NEK1: variants seen among roughly 807,000 people sequenced by gnomAD.
NEK1 encodes the protein NIMA related kinase 1, also known as serine/threonine-protein kinase Nek1.
A neutral mutation model predicts 182.1 loss-of-function variants in NEK1; 137 were observed. The ratio of observed to expected loss-of-function variants is 0.75; its 90% CI spans 0.65 to 0.87. The LOEUF is 0.87. Among genes scored for constraint, NEK1 ranks in the 40% least tolerant of loss-of-function variants. The pLI, the probability that NEK1 is intolerant of heterozygous loss-of-function variation, is 0.00. For synonymous variants in NEK1, 513 were observed against 492.2 expected, an observed-to-expected ratio of 1.04 and a Z score of -0.56; for missense variants, 1,391 against 1,494.4, an observed-to-expected ratio of 0.93 and a Z score of 1.14.
At chr4:169,605,571 A>C (rs1312324957) in intron 2 of NEK1, among the ~76,000 whole-genome samples, 2 of 152,256 alleles carry the variant, frequency 1.3e-5, no homozygotes, top group African/African-American at 4.8e-5. Context: ...TTATAATTCC[A>C]TAAAATTTTT....
intron 31 of NEK1, among the ~76,000 whole-genome samples, chr4:169,422,217 A>G (rs1451623093): frequency 6.6e-6 from 1 of 152,228 alleles, no homozygotes; most frequent in Non-Finnish European, 1.5e-5. Context: ...TGTATTGGGA[A>G]GTGAATGTAT....
At chr4:169,536,312 A>G (rs1225736405) in intron 19 of NEK1, among the ~76,000 whole-genome samples, 1 of 151,720 alleles carries the variant, frequency 6.6e-6, no homozygotes, top group African/African-American at 2.4e-5. Flanking sequence ...AAAAAAAAAA[A>G]AATACACAAA....
In NEK1 at chr4:169,400,396, A is replaced by G. The variant is rs1225733832; in HGVS notation, c.3715-39T>C. On this transcript the variant is annotated intron_variant, in intron 34 of 35. Coordinates refer to ENST00000507142, the MANE Select transcript of NEK1 (RefSeq NM_001199397.3). ...CCAAATATAAATTAATATTTGAATA[A>G]CTTTCTGTAATTGCAGACTTCACTT... The G allele has an allele frequency of 3.5e-6, 5 of 1,442,098 alleles. No individual in the cohort carries two copies. In the African/African-American group the frequency reaches 7.2e-5, roughly 21 times the overall value. 89.3% of individuals were successfully genotyped at this position (1,442,098 alleles called of 1,614,324 possible). A position where few individuals can be genotyped will look rare whatever the true frequency, so the allele number is the denominator to read the frequency against.
intron 23 of NEK1, among the ~76,000 whole-genome samples, chr4:169,492,541 T>A (rs1750307390): frequency 6.6e-6 from 1 of 152,054 alleles, no homozygotes; most frequent in African/African-American, 2.4e-5. Context: ...ACACTATCGG[T>A]GGCGATTAGA....
chr4:169,405,771 C>T (rs1732485968), intron 32 of NEK1, among the ~76,000 whole-genome samples: 1 of 151,876 alleles, frequency 6.6e-6, no homozygotes, highest in Non-Finnish European at 1.5e-5. Flanking sequence ...GTAGCTGAGA[C>T]TACCTACAAG....
In NEK1 at chr4:169,561,898, TA is replaced by T. The variant is rs398124255; in HGVS notation, c.1081-8del. 9 of 1,589,232 alleles carry T rather than the reference TA, an allele frequency of 5.7e-6. No individual in the cohort carries two copies. Among genetic ancestry groups the T allele is most frequent in the African/African-American group, 5.5e-5 (4 of 73,004 alleles). ...TTCTCTTTCTTGCTGCTTCCTTAAA[TA>T]AAAAAAAGAACATTTTAATCCATAA... On this transcript the variant is annotated splice_polypyrimidine_tract_variant and splice_region_variant and intron_variant, in intron 13 of 35. Coordinates refer to ENST00000507142, the MANE Select transcript of NEK1 (RefSeq NM_001199397.3).
chr4:169,426,508 A>T (rs1736416524), intron 29 of NEK1, among the ~76,000 whole-genome samples: 1 of 152,244 alleles, frequency 6.6e-6, no homozygotes, highest in African/African-American at 2.4e-5. Context: ...ACAACGGCAT[A>T]GTAAAGAAAC....
chr4:169,443,939 A>G (rs904101134), intron 27 of NEK1, among the ~76,000 whole-genome samples: 3 of 152,180 alleles, frequency 2.0e-5, no homozygotes, highest in African/African-American at 7.2e-5. Context: ...CAAGAATACT[A>G]TACCCACCAA....
intron 35 of NEK1, among the ~76,000 whole-genome samples, chr4:169,394,789 A>G (rs944449552): frequency 1.3e-5 from 2 of 152,222 alleles, no homozygotes; most frequent in African/African-American, 4.8e-5. Context: ...GCATACACAA[A>G]TATCTTTTAA....
chr4:169,566,359 C>G (rs1444144811), intron 12 of NEK1, among the ~76,000 whole-genome samples: 1 of 152,146 alleles, frequency 6.6e-6, no homozygotes, highest in Non-Finnish European at 1.5e-5. Context: ...TAAGATCACA[C>G]AGGTATTTTC....
At chr4:169,525,870 C>T (rs1040890199) in intron 19 of NEK1, among the ~76,000 whole-genome samples, 2 of 152,146 alleles carry the variant, frequency 1.3e-5, no homozygotes, top group African/African-American at 4.8e-5. Flanking sequence ...GAGAGTCAGA[C>T]ATTCTGGGTT....
chr4:169,424,226 T>C (rs929185113), intron 31 of NEK1, among the ~76,000 whole-genome samples: 5 of 152,182 alleles, frequency 3.3e-5, no homozygotes, highest in African/African-American at 1.2e-4. Flanking sequence ...CTATTTAAGA[T>C]ATATTGCTTA....
intron 26 of NEK1, among the ~76,000 whole-genome samples, chr4:169,476,567 A>C (rs1335731355): frequency 6.6e-6 from 1 of 152,138 alleles, no homozygotes; most frequent in African/African-American, 2.4e-5. Context: ...GAAAAAAATT[A>C]CTTAAAATCA....
chr4:169,481,645 A>C (rs1748031145), intron 23 of NEK1, among the ~76,000 whole-genome samples: 1 of 152,170 alleles, frequency 6.6e-6, no homozygotes, highest in Non-Finnish European at 1.5e-5. Flanking sequence ...AAATATTTAC[A>C]GCAAACCGTG....
intron 27 of NEK1, among the ~76,000 whole-genome samples, chr4:169,451,825 A>G (rs897137209): frequency 1.2e-4 from 18 of 152,236 alleles, no homozygotes; most frequent in Non-Finnish European, 2.5e-4. Flanking sequence ...AAACCCTTCA[A>G]AAAATCAATG....
At chr4:169,436,266 G>A (rs1307169467) in intron 28 of NEK1, among the ~76,000 whole-genome samples, 4 of 152,226 alleles carry the variant, frequency 2.6e-5, no homozygotes, top group African/African-American at 9.6e-5. Context: ...ATAGATAATT[G>A]AAGCAGAATT....
In NEK1 at chr4:169,588,697, T is replaced by C; in HGVS notation, c.503A>G (p.Tyr168Cys). The C allele has an allele frequency of 6.5e-7, 1 of 1,550,294 alleles. No individual in the cohort carries two copies. Among genetic ancestry groups the C allele is most frequent in the Non-Finnish European group, 8.7e-7 (1 of 1,145,628 alleles). ...TTCACAGATTTCAGGTGACAAGTAG[T>C]ATGGGGTCCCTATGCAAGTTCGAGC... ...ELARTCIGTPYYLSPEICENK... is the reference protein window; with the variant it reads ...ELARTCIGTPCYLSPEICENK... Residue 168 changes from tyrosine (Y) to cysteine (C), a missense_variant, in exon 8 of 36, where the codon TAC becomes TGC. Physicochemically the swap from Tyr to Cys is radical, Grantham distance 194. This residue lies in a region of NEK1 where 14 missense variants were observed against 34.5 expected (regional missense o/e 0.41). Transcript: ENST00000507142.
At chr4:169,529,728 G>T (rs1308246666) in intron 19 of NEK1, among the ~76,000 whole-genome samples, 1 of 152,076 alleles carries the variant, frequency 6.6e-6, no homozygotes, top group African/African-American at 2.4e-5. Context: ...CAAAGCTAAA[G>T]AATAAGAAAA....
At chr4:169,440,463 G>T (rs1226311710) in intron 27 of NEK1, among the ~76,000 whole-genome samples, 2 of 152,102 alleles carry the variant, frequency 1.3e-5, no homozygotes, top group Non-Finnish European at 2.9e-5. Context: ...TTGGAAAATG[G>T]GTTTGGAGAG....
Sources: allele counts gnomAD v4.1 joint callset (sites outside exome capture counted in the v4.1 genomes callset), GRCh38; gene constraint gnomAD v4.1.1; regional missense constraint gnomAD v4.1.1; transcripts MANE v1.5; gene names NCBI Gene and HGNC (gene_info 2026-07-23, HGNC 2026-07-21).